Variants in THSD7A observed in about 807,000 individuals in gnomAD.
THSD7A encodes the protein thrombospondin type-1 domain-containing protein 7A.
Under a neutral mutation model 231.3 loss-of-function variants are expected in THSD7A, and 96 were observed. The observed-to-expected ratio is 0.41, with a 90% CI of 0.35 to 0.49. The LOEUF is 0.49. Among genes scored for constraint, THSD7A ranks in the 20% least tolerant of loss-of-function variants. THSD7A has a pLI of 0.05. For missense variants in THSD7A, 2,290 were observed against 2,070.2 expected, an observed-to-expected ratio of 1.11 and a Z score of -2.06; for synonymous variants, 940 against 743.3, an observed-to-expected ratio of 1.26 and a Z score of -4.30.
At chr7:11,431,875 G>A (rs1219395191) in intron 13 of THSD7A, among the ~76,000 whole-genome samples, 1 of 151,942 alleles carries the variant, frequency 6.6e-6, no homozygotes, top group Non-Finnish European at 1.5e-5. Flanking sequence ...CAGTGTACAG[G>A]TCTTGAACTT....
intron 4 of THSD7A, among the ~76,000 whole-genome samples, chr7:11,565,368 CA>C (rs1199620816): frequency 6.6e-6 from 1 of 152,108 alleles, no homozygotes; most frequent in East Asian, 1.9e-4. Context: ...TTATTTATCA[CA>C]AAAAAATCCA....
At chr7:11,658,601 T>A (rs1782796818) in intron 1 of THSD7A, among the ~76,000 whole-genome samples, 1 of 151,664 alleles carries the variant, frequency 6.6e-6, no homozygotes, top group Non-Finnish European at 1.5e-5. Flanking sequence ...AGATTTGAAA[T>A]TTACAGCTAT....
intron 13 of THSD7A, among the ~76,000 whole-genome samples, chr7:11,443,725 A>G (rs1003340386): frequency 2.0e-5 from 3 of 152,032 alleles, no homozygotes; most frequent in Admixed American, 2.0e-4. Flanking sequence ...ACACTTAAAG[A>G]TAGTTAAAAT....
At position 11,406,258 on chromosome 7, in the gene THSD7A, G is replaced by A. The variant is rs775614419; in HGVS notation, c.4237+42C>T. On this transcript the variant is annotated intron_variant, in intron 22 of 27. Transcript: ENST00000423059. This position sits in a 1 kb window ranked among gnomAD's most constrained non-coding sequence, Gnocchi z 4.7. ...AACCCCTTCACGGCCCTTGTCCTAG[G>A]AAAAAATAATCAGAATATGAATTCT... 3.9e-6 allele frequency: 6 copies of A among 1,557,228 alleles called. No homozygotes were observed. In the South Asian group the frequency reaches 7.5e-5, roughly 19 times the overall value.
intron 1 of THSD7A, among the ~76,000 whole-genome samples, chr7:11,769,151 A>ATTTTTTTTT (rs1422492872): frequency 8.5e-5 from 3 of 35,488 alleles, no homozygotes; most frequent in Non-Finnish European, 1.8e-4. Context: ...ATATATATAT[A>ATTTTTTTTT]TATTTTTTTT....
rs945347853 is a variant in THSD7A at position 11,764,617 on chromosome 7, A to G, written c.190+67140T>C. Among the ~76,000 whole-genome samples, 24 of 151,700 alleles carry G rather than the reference A, an allele frequency of 1.6e-4. 1 individual carries two copies. The highest frequency in any genetic ancestry group is 3.4e-4 in the Non-Finnish European group (23 of 67,924). ...AAGGGATGAGAATGAAACTACAATTACCTTAGTTTCTCATGAAAGCATAAT... is the reference window on the plus strand; with the variant it reads ...AAGGGATGAGAATGAAACTACAATTGCCTTAGTTTCTCATGAAAGCATAAT... On this transcript the variant is annotated intron_variant, in intron 1 of 27. Coordinates refer to ENST00000423059, the MANE Select transcript of THSD7A (RefSeq NM_015204.3).
chr7:11,533,149 T>G (rs1262710793), intron 6 of THSD7A, among the ~76,000 whole-genome samples: 1 of 152,130 alleles, frequency 6.6e-6, no homozygotes, highest in African/African-American at 2.4e-5. Flanking sequence ...GTTTTAAGGG[T>G]GTTGCATTGA....
At chr7:11,555,218 T>C (rs1252781167) in intron 4 of THSD7A, among the ~76,000 whole-genome samples, 3 of 151,968 alleles carry the variant, frequency 2.0e-5, no homozygotes, top group Non-Finnish European at 4.4e-5. Context: ...TCTTTTCCAA[T>C]GTAAGCATTT....
intron 23 of THSD7A, among the ~76,000 whole-genome samples, chr7:11,386,764 T>C (rs1782760074): frequency 6.6e-6 from 1 of 152,232 alleles, no homozygotes; most frequent in South Asian, 2.1e-4. Context: ...CTTTTGGTGT[T>C]TTAGTCATGA....
At chr7:11,571,497 G>C (rs1790627804) in intron 4 of THSD7A, among the ~76,000 whole-genome samples, 1 of 152,104 alleles carries the variant, frequency 6.6e-6, no homozygotes. Flanking sequence ...GCAGTATATG[G>C]ACTATTTTAA....
chr7:11,557,820 AGT>A (rs1380015183), intron 4 of THSD7A, among the ~76,000 whole-genome samples: 1 of 152,102 alleles, frequency 6.6e-6, no homozygotes, highest in African/African-American at 2.4e-5. Flanking sequence ...CAGTGATGGA[AGT>A]GTCAGTTCCC....
chr7:11,428,011 G>C (rs969247961), intron 14 of THSD7A, among the ~76,000 whole-genome samples: 3 of 152,012 alleles, frequency 2.0e-5, no homozygotes, highest in African/African-American at 4.8e-5. Flanking sequence ...TAATTCCAAG[G>C]TTCTTTCTGT....
At position 11,469,927 on chromosome 7, in the gene THSD7A, C is replaced by T. The variant is rs1482298435; in HGVS notation, c.2320G>A (p.Val774Met). ...CLLPCKKDCI[V>M]TPYSDWTSCP... ...GATGTCCAGTCACTATATGGGGTCA[C>T]AATACAGTCCTTCTTACAAGGAAGC... is the stretch of plus-strand genomic sequence containing the variant. Residue 774 changes from valine (V) to methionine (M), a missense_variant, in exon 9 of 28, where the codon GTG becomes ATG. Physicochemically the swap from Val to Met is conservative, Grantham distance 21. Transcript: ENST00000423059. 3 of 1,603,412 alleles carry T rather than the reference C, an allele frequency of 1.9e-6. No homozygotes were observed. The highest frequency in any genetic ancestry group is 1.7e-6 in the Non-Finnish European group (2 of 1,174,572).
intron 4 of THSD7A, among the ~76,000 whole-genome samples, chr7:11,578,927 G>A (rs62434522): frequency 0.017 from 2,605 of 152,236 alleles, 15 homozygotes; most frequent in Middle Eastern, 0.031. Context: ...GTAAAATTGT[G>A]AAGAGGTACA....
Position 11,632,758 on chromosome 7 carries a change from T to C in THSD7A, c.1022+3372A>G, listed in dbSNP as rs1781699703. 1.3e-5 allele frequency among the ~76,000 whole-genome samples: 2 copies of C among 152,204 alleles called. No homozygotes were observed. The highest frequency in any genetic ancestry group is 4.8e-5 in the African/African-American group (2 of 41,464). Reference sequence around the variant, plus strand: ...CATAAAAGTTGATCTATATTAGTTCTCCCATTAGGTCATTATTTCAACTTC... The same window carrying C: ...CATAAAAGTTGATCTATATTAGTTCCCCCATTAGGTCATTATTTCAACTTC... On this transcript the variant is annotated intron_variant, in intron 2 of 27. Transcript: ENST00000423059. The surrounding 1 kb of genome is among the most constrained non-coding windows in gnomAD (Gnocchi z 4.1).
chr7:11,400,178 G>A (rs1413630123), intron 23 of THSD7A, among the ~76,000 whole-genome samples: 1 of 116,962 alleles, frequency 8.5e-6, no homozygotes, highest in Admixed American at 1.0e-4. Flanking sequence ...GGGGGAGGGG[G>A]GAGGGATAGC....
chr7:11,649,514 G>A (rs1782412690), intron 1 of THSD7A, among the ~76,000 whole-genome samples: 1 of 152,016 alleles, frequency 6.6e-6, no homozygotes, highest in South Asian at 2.1e-4. Context: ...TCTAAAACAT[G>A]GGAATGGCAT....
chr7:11,783,952 T>C (rs1353427568), intron 1 of THSD7A, among the ~76,000 whole-genome samples: 1 of 152,134 alleles, frequency 6.6e-6, no homozygotes, highest in African/African-American at 2.4e-5. Context: ...TACCAATACA[T>C]AGGCTCACTT....
intron 23 of THSD7A, among the ~76,000 whole-genome samples, chr7:11,391,502 A>G (rs989323219): frequency 1.3e-5 from 2 of 152,180 alleles, no homozygotes; most frequent in African/African-American, 4.8e-5. Context: ...CGAGAATTTC[A>G]AGCCAGTGGA....
Sources: gnomAD v4.1 joint callset for allele counts (sites outside exome capture counted in the v4.1 genomes callset) on GRCh38, gnomAD v4.1.1 for gene constraint, Gnocchi (gnomAD v3.1) non-coding constraint, MANE v1.5 for transcripts, NCBI Gene and HGNC (gene_info 2026-07-23, HGNC 2026-07-21) for gene names.